Variants in DPYD observed in about 807,000 individuals in gnomAD.
The protein encoded by DPYD is dihydropyrimidine dehydrogenase.
In DPYD, 109 loss-of-function variants were observed where a neutral mutation model predicts 116.2. The ratio of observed to expected loss-of-function variants is 0.94; its 90% CI spans 0.80 to 1.10. The LOEUF (loss-of-function observed/expected upper bound fraction) is 1.10, where lower values mean the gene tolerates loss of function less well. Among genes scored for constraint, DPYD ranks in the 50% least tolerant of loss-of-function variants. The pLI, the probability that DPYD is intolerant of heterozygous loss-of-function variation, is 0.00. For synonymous variants in DPYD, 440 were observed against 432.0 expected, an observed-to-expected ratio of 1.02 and a Z score of -0.23; for missense variants, 1,302 against 1,254.5, an observed-to-expected ratio of 1.04 and a Z score of -0.57.
chr1:97,202,443 A>T (rs550573829), intron 19 of DPYD, among the ~76,000 whole-genome samples: 4 of 152,286 alleles, frequency 2.6e-5, no homozygotes, highest in African/African-American at 9.6e-5. Context: ...TTCTTTAATT[A>T]ATTTCTTAAC....
rs149665269 is a variant in DPYD, at chr1:97,467,301, A to T, written c.1741-17078T>A. Among the ~76,000 whole-genome samples the T allele has an allele frequency of 1.3e-3, 202 of 152,298 alleles. 2 individuals are homozygous for T. Among genetic ancestry groups the T allele is most frequent in the South Asian group, 1.7e-3 (8 of 4,826 alleles). On this transcript the variant is annotated intron_variant, in intron 13 of 22. Transcript: ENST00000370192. ...AGAGAAAGTCAAACCCAAGAGCCAG[A>T]GCTAACATTCTTTTTGCTCACCACA...
intron 8 of DPYD, among the ~76,000 whole-genome samples, chr1:97,602,059 A>G (rs755137586): frequency 1.6e-4 from 24 of 151,994 alleles, no homozygotes; most frequent in Admixed American, 2.0e-4. Context: ...ACACCATTTA[A>G]ATAGTATTTT....
intron 7 of DPYD, among the ~76,000 whole-genome samples, chr1:97,689,339 A>C (rs1660892655): frequency 6.6e-6 from 1 of 152,066 alleles, no homozygotes; most frequent in Admixed American, 6.6e-5. Context: ...TTGGATGATA[A>C]TACGCTTATT....
intron 13 of DPYD, among the ~76,000 whole-genome samples, chr1:97,470,340 G>A (rs1677572574): frequency 6.6e-6 from 1 of 151,866 alleles, no homozygotes; most frequent in South Asian, 2.1e-4. Context: ...AAAATTAATT[G>A]ACACAGCCAT....
chr1:97,763,271 A>C (rs1437918564), intron 3 of DPYD, among the ~76,000 whole-genome samples: 1 of 152,058 alleles, frequency 6.6e-6, no homozygotes, highest in Non-Finnish European at 1.5e-5. Context: ...CACAGTGCCC[A>C]GTTAATAGGA....
At chr1:97,472,812 T>G (rs1049576187) in intron 13 of DPYD, among the ~76,000 whole-genome samples, 2 of 152,228 alleles carry the variant, frequency 1.3e-5, no homozygotes, top group East Asian at 3.8e-4. Flanking sequence ...ATTTACTGAA[T>G]TTTTAATTGA....
intron 21 of DPYD, among the ~76,000 whole-genome samples, chr1:97,086,778 C>A (rs1570432188): frequency 6.6e-6 from 1 of 152,196 alleles, no homozygotes; most frequent in Middle Eastern, 3.4e-3. Flanking sequence ...ATAAGATAAA[C>A]CATTGTAGGT....
intron 21 of DPYD, among the ~76,000 whole-genome samples, chr1:97,088,370 A>G (rs1649668261): frequency 6.6e-6 from 1 of 152,224 alleles, no homozygotes; most frequent in Non-Finnish European, 1.5e-5. Flanking sequence ...TTTTTTAGCC[A>G]GAAATAAGCC....
At chr1:97,180,393 T>C (rs549267772) in intron 20 of DPYD, among the ~76,000 whole-genome samples, 1 of 152,226 alleles carries the variant, frequency 6.6e-6, no homozygotes, top group South Asian at 2.1e-4. Context: ...ATCAGGGGCA[T>C]AGCTCAAAAT....
At chr1:97,112,148 T>C (rs1474990402) in intron 20 of DPYD, among the ~76,000 whole-genome samples, 1 of 152,122 alleles carries the variant, frequency 6.6e-6, no homozygotes, top group Non-Finnish European at 1.5e-5. Context: ...GACACTATAT[T>C]AATGTATTTA....
chr1:97,731,142 C>G (rs963867519), intron 4 of DPYD, among the ~76,000 whole-genome samples: 1 of 152,042 alleles, frequency 6.6e-6, no homozygotes, highest in African/African-American at 2.4e-5. Context: ...TAAATCTAGA[C>G]TGTAATATCA....
chr1:97,723,870 G>A (rs924087278), intron 4 of DPYD, among the ~76,000 whole-genome samples: 11 of 151,504 alleles, frequency 7.3e-5, no homozygotes, highest in African/African-American at 2.2e-4. Flanking sequence ...CTGAGTCAAG[G>A]GCATTTGAGG....
chr1:97,242,978 C>T (rs754893163), intron 18 of DPYD, among the ~76,000 whole-genome samples: 8 of 151,660 alleles, frequency 5.3e-5, no homozygotes, highest in Middle Eastern at 3.2e-3. Flanking sequence ...CAAATTGGAA[C>T]GAACAATTCA....
intron 5 of DPYD, chr1:97,720,668 G>A: frequency 1.5e-6 from 2 of 1,353,042 alleles, no homozygotes; most frequent in Non-Finnish European, 1.9e-6. Context: ...AACACATTGT[G>A]TTTATGCTGA....
intron 5 of DPYD, among the ~76,000 whole-genome samples, chr1:97,703,103 A>G (rs1661702187): frequency 6.6e-6 from 1 of 151,858 alleles, no homozygotes; most frequent in Non-Finnish European, 1.5e-5. Context: ...CTAATCTATC[A>G]ATTGGTATCC....
chr1:97,353,866 A>T (rs1670278063), intron 16 of DPYD, among the ~76,000 whole-genome samples: 1 of 152,216 alleles, frequency 6.6e-6, no homozygotes, highest in Non-Finnish European at 1.5e-5. Context: ...GTGATTGATA[A>T]AGCCAGGGAT....
intron 11 of DPYD, among the ~76,000 whole-genome samples, chr1:97,569,014 C>A: frequency 6.6e-6 from 1 of 152,024 alleles, no homozygotes; most frequent in Middle Eastern, 3.2e-3. Flanking sequence ...GGAGGAGGCA[C>A]AGAATCACAG....
In DPYD at chr1:97,859,723, G is replaced by A. The variant is rs578019372; in HGVS notation, c.150+23541C>T. ...GGATTCCTTTCTCTAAGTCTCTTTA[G>A]TATACTAGTATGCAAAACCTTTCTT... On this transcript the variant is annotated intron_variant, in intron 2 of 22. Coordinates refer to ENST00000370192, the MANE Select transcript of DPYD (RefSeq NM_000110.4). 1.2e-3 allele frequency among the ~76,000 whole-genome samples: 177 copies of A among 151,970 alleles called. 1 individual carries two copies. Among genetic ancestry groups the A allele is most frequent in the Non-Finnish European group, 1.8e-3 (123 of 67,980 alleles).
chr1:97,874,195 C>T (rs1332413993), intron 2 of DPYD, among the ~76,000 whole-genome samples: 2 of 152,012 alleles, frequency 1.3e-5, no homozygotes, highest in East Asian at 2.0e-4. Flanking sequence ...TTGTTAGATG[C>T]ACTCCCTACA....
Sources: allele counts gnomAD v4.1 joint callset (sites outside exome capture counted in the v4.1 genomes callset), GRCh38; gene constraint gnomAD v4.1.1; transcripts MANE v1.5; gene names NCBI Gene and HGNC (gene_info 2026-07-23, HGNC 2026-07-21).